Variants in ZNF248 observed in about 807,000 individuals in gnomAD.
The protein encoded by ZNF248 is KRAB protein domain.
In ZNF248, 20 loss-of-function variants were observed where a neutral mutation model predicts 44.3. The ratio of observed to expected loss-of-function variants is 0.45; its 90% CI spans 0.32 to 0.66. ZNF248 has a LOEUF of 0.66. Ranked by LOEUF, ZNF248 falls within the 30% of genes least tolerant of loss-of-function variation. The pLI is 0.04. For synonymous variants in ZNF248, 224 were observed against 229.0 expected (o/e 0.98, Z 0.20); for missense variants, 654 against 677.0 (o/e 0.97, Z 0.38).
At chr10:37,793,418 T>C (rs1384202023) in intron 6 of ZNF248, among the ~76,000 whole-genome samples, 1 of 152,162 alleles carries the variant, frequency 6.6e-6, no homozygotes, top group Middle Eastern at 3.2e-3. Flanking sequence ...TAAACACAGA[T>C]TCTTTATTAA....
chr10:37,834,317 A>G (rs192049575), intron 5 of ZNF248, among the ~76,000 whole-genome samples: 2 of 152,290 alleles, frequency 1.3e-5, no homozygotes, highest in African/African-American at 4.8e-5. Flanking sequence ...ACCAGAGTCC[A>G]GAACTTGGCA....
chr10:37,764,653 T>C, the ZNF248 span, among the ~76,000 whole-genome samples: 1 of 152,214 alleles, frequency 6.6e-6, no homozygotes, highest in African/African-American at 2.4e-5. Flanking sequence ...TTTCCCTTTA[T>C]TTCTCAGATA....
chr10:37,811,412 T>C (rs2051467293), intron 6 of ZNF248, among the ~76,000 whole-genome samples: 2 of 151,548 alleles, frequency 1.3e-5, no homozygotes, highest in African/African-American at 4.9e-5. Context: ...TGAAGTTATA[T>C]GACAACTTAG....
At chr10:37,838,191 G>A in intron 3 of ZNF248, 80 bp from the exon 4 acceptor site, 3 of 1,353,610 alleles carry the variant, frequency 2.2e-6, no homozygotes, top group Admixed American at 2.2e-5. Context: ...AATCTCTTTA[G>A]AGTTTACTAA....
In ZNF248 at chr10:37,832,369, A is replaced by G; in HGVS notation, c.986T>C (p.Val329Ala). The stretch of plus-strand genomic sequence containing the variant: ...TGACTTTTCCCAGGTTTTGTCACTC[A>G]CTTTATATTCACGGAGAATCTTTCT... ...YTRKILREYK[V>A]SDKTWEKSAL... Residue 329 changes from valine to alanine, a missense_variant, in exon 6 of 6, where the codon GTG (valine) becomes GCG (alanine). Physicochemically the swap from Val to Ala is moderately conservative, Grantham distance 64 (BLOSUM62 0). Transcript: ENST00000395867. 1 of 1,614,054 alleles carries G rather than the reference A, an allele frequency of 6.2e-7. No homozygotes were observed. The highest frequency in any genetic ancestry group is 8.5e-7 in the Non-Finnish European group (1 of 1,179,952).
At chr10:37,764,968 T>G in the ZNF248 span, among the ~76,000 whole-genome samples, 1 of 152,044 alleles carries the variant, frequency 6.6e-6, no homozygotes, top group African/African-American at 2.4e-5. Flanking sequence ...AGCCTTTTTT[T>G]TTTTCTTTTT....
chr10:37,809,324 C>G (rs1489603943), intron 6 of ZNF248, among the ~76,000 whole-genome samples: 1 of 152,044 alleles, frequency 6.6e-6, no homozygotes, highest in African/African-American at 2.4e-5. Flanking sequence ...GTCACTGAGA[C>G]TGGAGTGCAG....
the ZNF248 span, among the ~76,000 whole-genome samples, chr10:37,762,988 T>C: frequency 6.6e-6 from 1 of 152,198 alleles, no homozygotes; most frequent in African/African-American, 2.4e-5. Context: ...TGGGCTTCTT[T>C]ATTGAAAAGG....
At chr10:37,823,241 G>A (rs180854492) in intron 6 of ZNF248, among the ~76,000 whole-genome samples, 3 of 136,686 alleles carry the variant, frequency 2.2e-5, no homozygotes, top group Non-Finnish European at 4.6e-5. Context: ...GGCTGAGGCA[G>A]AAGAATTGCT....
At chr10:37,773,314 T>G (rs2046343769), downstream of ZNF248, among the ~76,000 whole-genome samples, 1 of 152,206 alleles carries the variant, frequency 6.6e-6, no homozygotes, top group Non-Finnish European at 1.5e-5. Flanking sequence ...ACATTGGAGA[T>G]TATTAGTATC....
chr10:37,774,479 C>T (rs1233181714), downstream of ZNF248, among the ~76,000 whole-genome samples: 1 of 152,122 alleles, frequency 6.6e-6, no homozygotes. Context: ...AGTATGTAAT[C>T]TGTCAAGAAA....
chr10:37,838,174 G>A, intron 3 of ZNF248, 63 bp from the exon 4 acceptor site: 1 of 1,498,384 alleles, frequency 6.7e-7, no homozygotes, highest in Non-Finnish European at 9.1e-7. Flanking sequence ...AAAGATTTAA[G>A]AGAACTAATC....
chr10:37,761,096 T>C, the ZNF248 span, among the ~76,000 whole-genome samples: 1 of 152,308 alleles, frequency 6.6e-6, no homozygotes, highest in Admixed American at 6.5e-5. Flanking sequence ...AACTTTTTCA[T>C]GTAGACACAT....
intron 6 of ZNF248, among the ~76,000 whole-genome samples, chr10:37,789,014 G>A (rs2048209789): frequency 6.6e-6 from 1 of 152,060 alleles, no homozygotes; most frequent in African/African-American, 2.4e-5. Flanking sequence ...TGGGACTACA[G>A]GCACATGCCT....
chr10:37,779,330 A>T (rs954243205), intron 6 of ZNF248, among the ~76,000 whole-genome samples: 67 of 152,318 alleles, frequency 4.4e-4, no homozygotes, highest in African/African-American at 1.3e-3. Context: ...TCAAGTGGGC[A>T]TCATCCCTGG....
In ZNF248 at chr10:37,833,124, T is replaced by C. The variant is rs2056297673; in HGVS notation, c.239-8A>G. 1 of 1,568,546 alleles carries C rather than the reference T, an allele frequency of 6.4e-7. No homozygotes were observed. The highest frequency in any genetic ancestry group is 8.6e-7 in the Non-Finnish European group (1 of 1,164,154). Reference sequence around the variant, plus strand: ...CAACTTTCCATTTCCTTTCTAGAAATGAGAAAAATAACCACATCTTATGAA... The same window carrying C: ...CAACTTTCCATTTCCTTTCTAGAAACGAGAAAAATAACCACATCTTATGAA... On this transcript the variant is annotated splice_polypyrimidine_tract_variant and splice_region_variant and intron_variant, in intron 5 of 5. Transcript: ENST00000395867.
chr10:37,811,043 C>G (rs1249565000), intron 6 of ZNF248, among the ~76,000 whole-genome samples: 1 of 152,132 alleles, frequency 6.6e-6, no homozygotes, highest in African/African-American at 2.4e-5. Context: ...AGTGCATTTC[C>G]ATAAACACTG....
At chr10:37,822,222 C>T (rs1160894640) in intron 6 of ZNF248, among the ~76,000 whole-genome samples, 4 of 152,162 alleles carry the variant, frequency 2.6e-5, no homozygotes, top group South Asian at 2.1e-4. Flanking sequence ...TGGTCTGGAG[C>T]GGTCTTAAAT....
chr10:37,839,400 C>T (rs1203100142), intron 3 of ZNF248, among the ~76,000 whole-genome samples: 1 of 152,014 alleles, frequency 6.6e-6, no homozygotes, highest in African/African-American at 2.4e-5. Context: ...ACCTAGCACC[C>T]TAATTTTTGT....
Sources: gnomAD v4.1 joint callset for allele counts (sites outside exome capture counted in the v4.1 genomes callset) on GRCh38, gnomAD v4.1.1 for gene constraint, MANE v1.5 for transcripts, NCBI Gene and HGNC (gene_info 2026-07-23, HGNC 2026-07-21) for gene names.